Variants in NLRP2 observed in about 807,000 individuals in gnomAD.
The protein encoded by NLRP2 is NLR family pyrin domain containing 2.
In NLRP2, 107 loss-of-function variants were observed where a neutral mutation model predicts 97.2. That is an observed-to-expected ratio of 1.10 (90% confidence interval 0.94 to 1.29). The LOEUF (loss-of-function observed/expected upper bound fraction) is 1.29, where lower values mean the gene tolerates loss of function less well. NLRP2 is among the 50% of genes most tolerant of loss of function. The pLI, the probability that NLRP2 is intolerant of heterozygous loss-of-function variation, is 0.00. For synonymous variants in NLRP2, 663 were observed against 551.5 expected (o/e 1.20, Z -2.83); for missense variants, 1,495 against 1,330.3 (o/e 1.12, Z -1.93).
chr19:55,000,340 G>T (rs1332527476), intron 12 of NLRP2, among the ~76,000 whole-genome samples: 1 of 115,862 alleles, frequency 8.6e-6, no homozygotes. Context: ...ACAGTGGCAC[G>T]ATCTCGGCTC....
intron 10 of NLRP2, 159 bp from the exon 11 acceptor site, chr19:54,994,110 G>A (rs2072660094): frequency 1.3e-6 from 1 of 788,648 alleles, no homozygotes; most frequent in Non-Finnish European, 2.2e-6. Flanking sequence ...CATCTTTAGG[G>A]GAGGCCATTC....
At chr19:54,981,517 T>TCC (rs555904875) in intron 4 of NLRP2, 100 bp from the exon 5 acceptor site, 12 of 286,846 alleles carry the variant, frequency 4.2e-5, no homozygotes, top group African/African-American at 3.2e-4. Flanking sequence ...GTGCCCCCCC[T>TCC]CCCCCCCGCC....
intron 7 of NLRP2, among the ~76,000 whole-genome samples, chr19:54,985,728 G>A (rs1219767805): frequency 6.6e-6 from 1 of 151,048 alleles, no homozygotes; most frequent in African/African-American, 2.4e-5. Context: ...GGGCACAATG[G>A]CTCACGCCTG....
rs753214458 is a variant in NLRP2 at position 54,983,717 on chromosome 19, C to T, written c.2019C>T (p.Ala673=). 6.8e-6 allele frequency: 11 copies of T among 1,611,214 alleles called. No individual in the cohort carries two copies. In the East Asian group the frequency reaches 1.3e-4, roughly 20 times the overall value. ...ATGTCACTGCGTCTGAATCAGACGC[C>T]GAGGTTGAGAGGTGAGAACCGTTTC... ...PENVTASESD[A]EVERSQDDQH... The change falls in exon 6 of 13, where the codon GCC becomes GCT. Residue 673 remains alanine (A), a synonymous_variant. Transcript: ENST00000448584.
At position 54,990,044 on chromosome 19, in the gene NLRP2, A is replaced by G. The variant is rs1165347218; in HGVS notation, c.2389A>G (p.Thr797Ala). 1 of 1,613,342 alleles carries G rather than the reference A, an allele frequency of 6.2e-7. No homozygotes were observed. The highest frequency in any genetic ancestry group is 1.1e-5 in the South Asian group (1 of 91,044). Residue 797 changes from threonine to alanine, a missense_variant, in exon 9 of 13, where the codon ACT becomes GCT. Transcript: ENST00000448584. The stretch of plus-strand genomic sequence containing the variant: ...CAGGTTGGTGTCTTGTTCCGCTACC[A>G]CTCAGCAGTGGGCTGATCTCTCCTT... ...YLGLVSCSAT[T>A]QQWADLSLAL...
intron 1 of NLRP2, among the ~76,000 whole-genome samples, chr19:54,968,118 A>G (rs368026037): frequency 1.2e-4 from 18 of 152,016 alleles, no homozygotes; most frequent in Middle Eastern, 3.4e-3. Context: ...GGGTTTCACT[A>G]TGTTGGCCAG....
In NLRP2 at chr19:54,970,301, T is replaced by C. The variant is rs269913; in HGVS notation, c.280+6T>C. ...AGCAAAGGATGAAGTCAGAGGTGAG[T>C]GGAAATCGGTCCACACTGTGTCCTA... On this transcript the variant is annotated splice_donor_region_variant and intron_variant, in intron 2 of 12. Coordinates refer to ENST00000448584, the MANE Select transcript of NLRP2 (RefSeq NM_017852.5). The C allele has an allele frequency of 0.48, 781,997 of 1,613,434 alleles. 194,442 individuals are homozygous for C. Among genetic ancestry groups the C allele is most frequent in the African/African-American group, 0.7 (52,154 of 74,916 alleles).
At chr19:54,978,616 G>A (rs2071390621) in intron 4 of NLRP2, among the ~76,000 whole-genome samples, 1 of 152,014 alleles carries the variant, frequency 6.6e-6, no homozygotes, top group South Asian at 2.1e-4. Flanking sequence ...CCAGCACTTT[G>A]GGAGGCTGAG....
chr19:54,990,346 C>G (rs975032876), intron 9 of NLRP2, 154 bp downstream of exon 9: 5 of 1,129,064 alleles, frequency 4.4e-6, no homozygotes, highest in South Asian at 2.5e-5. Context: ...GAATTTTGTT[C>G]TTCTCTCATT....
At chr19:54,975,101 G>GT (rs1190231820) in intron 3 of NLRP2, among the ~76,000 whole-genome samples, 5 of 83,100 alleles carry the variant, frequency 6.0e-5, no homozygotes, top group Non-Finnish European at 1.0e-4. Flanking sequence ...ACCACACCCG[G>GT]TTTTGTTTTT....
chr19:54,997,904 A>G (rs2146558433), intron 12 of NLRP2, among the ~76,000 whole-genome samples: 1 of 151,838 alleles, frequency 6.6e-6, no homozygotes, highest in South Asian at 2.1e-4. Context: ...GTTTATAAGC[A>G]TGAACCATTG....
chr19:54,985,619 A>T (rs189949065), intron 7 of NLRP2, among the ~76,000 whole-genome samples: 2 of 144,700 alleles, frequency 1.4e-5, no homozygotes, highest in African/African-American at 5.2e-5. Flanking sequence ...CGGAGGTTGC[A>T]GTGAACCAAG....
In NLRP2 at chr19:54,976,812, C is replaced by CTCTT. The variant is rs1555768188; in HGVS notation, c.326-939_326-938insCTTT. ...ATTAGGATTCCACCTTGTTCTCTCT[C>CTCTT]TTTTTTTTTTTTTTTTTGATACGGA... On this transcript the variant is annotated intron_variant, in intron 3 of 12. Coordinates refer to ENST00000448584, the MANE Select transcript of NLRP2 (RefSeq NM_017852.5). 73 of 329,382 alleles carry CTCTT rather than the reference C, an allele frequency of 2.2e-4. 2 individuals are homozygous for CTCTT. Among genetic ancestry groups the CTCTT allele is most frequent in the African/African-American group, 1.3e-3 (40 of 30,502 alleles). The allele number at this position is 329,382 out of a possible 1,614,324, so 20.4% of individuals were successfully genotyped here. A position where few individuals can be genotyped will look rare whatever the true frequency, so the allele number is the denominator to read the frequency against.
chr19:54,984,329 G>GGTTTTTTTT (rs1329961462), intron 6 of NLRP2, among the ~76,000 whole-genome samples: 17 of 79,670 alleles, frequency 2.1e-4, no homozygotes, highest in African/African-American at 6.5e-4. Flanking sequence ...TTTTTTTTGT[G>GGTTTTTTTT]TTTTTTTTTT....
intron 2 of NLRP2, 51 bp from the exon 3 acceptor site, chr19:54,974,449 A>C (rs759750893): frequency 8.0e-6 from 11 of 1,370,268 alleles, no homozygotes; most frequent in Non-Finnish European, 9.4e-6. Context: ...AGGCAATAAA[A>C]TCTTGAGCTT....
intron 3 of NLRP2, 61 bp downstream of exon 3, chr19:54,974,605 T>C: frequency 8.6e-7 from 1 of 1,167,578 alleles, no homozygotes. Context: ...CGGGCCTTTG[T>C]TTTAAGGAGA....
intron 11 of NLRP2, among the ~76,000 whole-genome samples, chr19:54,996,053 A>AAAAAAAAAAAAAAAAAAAAAAAAAAAG (rs2072798777): frequency 7.1e-6 from 1 of 139,894 alleles, no homozygotes; most frequent in African/African-American, 2.8e-5. Flanking sequence ...AAAAAAAAAA[A>AAAAAAAAAAAAAAAAAAAAAAAAAAAG]CAAAAAAAAC....
chr19:54,999,704 G>T (rs1477815073), intron 12 of NLRP2, among the ~76,000 whole-genome samples: 2 of 152,034 alleles, frequency 1.3e-5, no homozygotes, highest in African/African-American at 4.8e-5. Context: ...ATTAAAAAGA[G>T]AAATGAAAGT....
At chr19:54,983,813 C>T in intron 6 of NLRP2, 85 bp downstream of exon 6, 1 of 1,549,594 alleles carries the variant, frequency 6.5e-7, no homozygotes. Flanking sequence ...CTCCTATGCA[C>T]TGTGGCTTAG....
Sources: gnomAD v4.1 joint callset for allele counts (sites outside exome capture counted in the v4.1 genomes callset) on GRCh38, gnomAD v4.1.1 for gene constraint, MANE v1.5 for transcripts, NCBI Gene and HGNC (gene_info 2026-07-23, HGNC 2026-07-21) for gene names.